RNF144B: variants seen among roughly 807,000 people sequenced by gnomAD.
RNF144B encodes ring finger protein 144B.
RNF144B carries 25 observed loss-of-function variants against 40.2 expected under a neutral mutation model. The ratio of observed to expected loss-of-function variants is 0.62; its 90% CI spans 0.45 to 0.87. The LOEUF is 0.87. RNF144B is among the 40% of genes least tolerant of loss of function. The pLI is 0.00. For synonymous variants in RNF144B, 145 were observed against 136.3 expected, an observed-to-expected ratio of 1.06 and a Z score of -0.44; for missense variants, 365 against 373.7, an observed-to-expected ratio of 0.98 and a Z score of 0.19.
chr6:18,463,710 T>C (rs564773398), intron 7 of RNF144B, among the ~76,000 whole-genome samples: 52 of 152,324 alleles, frequency 3.4e-4, no homozygotes, highest in African/African-American at 1.2e-3. Flanking sequence ...ATATTACCTA[T>C]CAAAGGCAGT....
chr6:18,424,349 A>G (rs16880665), intron 2 of RNF144B, among the ~76,000 whole-genome samples: 3,882 of 152,306 alleles, frequency 0.025, 129 homozygotes, highest in South Asian at 0.16. Context: ...TTGAATAGAA[A>G]TGCATGCCCA....
Position 18,410,977 on chromosome 6 carries a change from T to C in RNF144B, c.165+11278T>C, listed in dbSNP as rs1354737817. 7.2e-6 allele frequency among the ~76,000 whole-genome samples: 1 copy of C among 139,334 alleles called. No homozygotes were observed. Among genetic ancestry groups the C allele is most frequent in the East Asian group, 2.2e-4 (1 of 4,470 alleles). The allele number at this position is 139,334 out of a possible 152,430, so 91.4% of individuals were successfully genotyped here. A position where few individuals can be genotyped will look rare whatever the true frequency, so the allele number is the denominator to read the frequency against. Reference sequence around the variant, plus strand: ...ATACTGTCAGCTTTCTTTTCTTTTTTTTTCTTCTTTTCTTTTCTTTTTTTT... The same window carrying C: ...ATACTGTCAGCTTTCTTTTCTTTTTCTTTCTTCTTTTCTTTTCTTTTTTTT... On this transcript the variant is annotated intron_variant, in intron 2 of 7. Coordinates refer to ENST00000259939, the MANE Select transcript of RNF144B (RefSeq NM_182757.4). This position sits in a 1 kb window ranked among gnomAD's most constrained non-coding sequence, Gnocchi z 4.6.
chr6:18,464,923 C>T lies in RNF144B; in HGVS notation c.772-4C>T, dbSNP rs866735517. On this transcript the variant is annotated splice_polypyrimidine_tract_variant and splice_region_variant and intron_variant, in intron 7 of 7. Coordinates refer to ENST00000259939, the MANE Select transcript of RNF144B (RefSeq NM_182757.4). The surrounding 1 kb of genome is among the most constrained non-coding windows in gnomAD (Gnocchi z 6.1). The stretch of plus-strand genomic sequence containing the variant: ...TGAAATATGCTTTTCTTTGAAATTT[C>T]CAGGTGGTGGGGATTCTCGTAGGCT... The T allele has an allele frequency of 6.2e-7, 1 of 1,613,660 alleles. No homozygotes were observed.
rs1758994670 is a variant in RNF144B, at chr6:18,442,836, T to C, written c.331+3092T>C. Among the ~76,000 whole-genome samples the C allele has an allele frequency of 6.6e-6, 1 of 152,236 alleles. No individual in the cohort carries two copies. Among genetic ancestry groups the C allele is most frequent in the African/African-American group, 2.4e-5 (1 of 41,462 alleles). Reference sequence around the variant, plus strand: ...GTCTTATTTTACTTAATATATGTTTTTCAAAGTTCCATTCCTGTAGTAGCA... The same window carrying C: ...GTCTTATTTTACTTAATATATGTTTCTCAAAGTTCCATTCCTGTAGTAGCA... On this transcript the variant is annotated intron_variant, in intron 4 of 7. Coordinates refer to ENST00000259939, the MANE Select transcript of RNF144B (RefSeq NM_182757.4). The surrounding 1 kb of genome is among the most constrained non-coding windows in gnomAD (Gnocchi z 4.3).
chr6:18,418,127 A>G lies in RNF144B; in HGVS notation c.166-9454A>G, dbSNP rs1202887803. Among the ~76,000 whole-genome samples the G allele has an allele frequency of 6.6e-6, 1 of 152,218 alleles. No individual in the cohort carries two copies. The highest frequency in any genetic ancestry group is 1.5e-5 in the Non-Finnish European group (1 of 68,026). ...TTTAAAGAAGTTGAAACTCTCATAC[A>G]CTGCTGGTGGGAATGGAAAATGATG... On this transcript the variant is annotated intron_variant, in intron 2 of 7. Coordinates refer to ENST00000259939, the MANE Select transcript of RNF144B (RefSeq NM_182757.4). This position sits in a 1 kb window ranked among gnomAD's most constrained non-coding sequence, Gnocchi z 5.2.
At position 18,443,238 on chromosome 6, in the gene RNF144B, T is replaced by C. The variant is rs1759005703; in HGVS notation, c.331+3494T>C. Among the ~76,000 whole-genome samples, 1 of 152,108 alleles carries C rather than the reference T, an allele frequency of 6.6e-6. No homozygotes were observed. Among genetic ancestry groups the C allele is most frequent in the African/African-American group, 2.4e-5 (1 of 41,424 alleles). ...AAAAACGTAACAGGCCCAGAGGCAATTTCCTCTTAAGTGATTTTGTTTTTG... is the reference window on the plus strand; with the variant it reads ...AAAAACGTAACAGGCCCAGAGGCAACTTCCTCTTAAGTGATTTTGTTTTTG... On this transcript the variant is annotated intron_variant, in intron 4 of 7. Coordinates refer to ENST00000259939, the MANE Select transcript of RNF144B (RefSeq NM_182757.4). This position sits in a 1 kb window ranked among gnomAD's most constrained non-coding sequence, Gnocchi z 4.7.
intron 1 of RNF144B, among the ~76,000 whole-genome samples, chr6:18,399,146 CT>C (rs1794747517): frequency 6.6e-6 from 1 of 152,170 alleles, no homozygotes. Context: ...TTATTACTAA[CT>C]CTAGTCACCA....
In RNF144B at chr6:18,441,262, G is replaced by A. The variant is rs1263685533; in HGVS notation, c.331+1518G>A. Among the ~76,000 whole-genome samples, 3 of 152,260 alleles carry A rather than the reference G, an allele frequency of 2.0e-5. No individual in the cohort carries two copies. The highest frequency in any genetic ancestry group is 2.1e-4 in the South Asian group (1 of 4,832). ...TATAATTAGAACATGGACATTCCCA[G>A]TATTCACCCTGTGGATGCCTGGCTG... On this transcript the variant is annotated intron_variant, in intron 4 of 7. Transcript: ENST00000259939. This position sits in a 1 kb window ranked among gnomAD's most constrained non-coding sequence, Gnocchi z 4.9.
chr6:18,399,607 G>T lies in RNF144B; in HGVS notation c.73G>T (p.Ala25Ser). 3 of 1,614,048 alleles carry T rather than the reference G, an allele frequency of 1.9e-6. No homozygotes were observed. The highest frequency in any genetic ancestry group is 2.5e-6 in the Non-Finnish European group (3 of 1,179,972). ...ENPTPGDLAP[A>S]PLITCKLCLC... ...TCCCACTCCTGGAGACCTGGCTCCGGCCCCCCTCATCACTTGCAAACTCTG... is the reference window on the plus strand; with the variant it reads ...TCCCACTCCTGGAGACCTGGCTCCGTCCCCCCTCATCACTTGCAAACTCTG... The change falls in exon 2 of 8, where the codon GCC (alanine) becomes TCC (serine). Residue 25 changes from alanine to serine, a missense_variant. By Grantham distance (99) the Ala-to-Ser change is moderately conservative. Transcript: ENST00000259939.
At chr6:18,432,895 G>C (rs573256778) in intron 3 of RNF144B, among the ~76,000 whole-genome samples, 6 of 152,224 alleles carry the variant, frequency 3.9e-5, no homozygotes, top group Non-Finnish European at 7.3e-5. Context: ...GAAAGGGTGG[G>C]TGCAGCTGAA....
At chr6:18,455,786 C>CT (rs1000966506) in intron 4 of RNF144B, among the ~76,000 whole-genome samples, 7 of 152,194 alleles carry the variant, frequency 4.6e-5, no homozygotes, top group African/African-American at 1.7e-4. Flanking sequence ...TTCTCCAACT[C>CT]TATCTTCTTT....
intron 6 of RNF144B, among the ~76,000 whole-genome samples, chr6:18,462,846 C>T (rs925317402): frequency 2.0e-5 from 3 of 152,130 alleles, no homozygotes; most frequent in African/African-American, 7.2e-5. Context: ...TTTCCCTTCT[C>T]TGTGATTGCT....
At chr6:18,403,980 A>G (rs1219452982) in intron 2 of RNF144B, among the ~76,000 whole-genome samples, 1 of 152,226 alleles carries the variant, frequency 6.6e-6, no homozygotes, top group East Asian at 1.9e-4. Context: ...GCAAGAACTC[A>G]GCCACTACCT....
Position 18,447,792 on chromosome 6 carries a change from G to A in RNF144B, c.331+8048G>A, listed in dbSNP as rs905491035. ...GGTTTAAAGCTGTGACACTGAATGA[G>A]CGCATCTAAGAATTAAACATAGCTA... On this transcript the variant is annotated intron_variant, in intron 4 of 7. Transcript: ENST00000259939. The surrounding 1 kb of genome is among the most constrained non-coding windows in gnomAD (Gnocchi z 5.6). Among the ~76,000 whole-genome samples the A allele has an allele frequency of 2.6e-5, 4 of 152,136 alleles. No homozygotes were observed. The highest frequency in any genetic ancestry group is 4.8e-5 in the African/African-American group (2 of 41,422).
chr6:18,433,887 T>C (rs1758754073), intron 3 of RNF144B, among the ~76,000 whole-genome samples: 1 of 152,194 alleles, frequency 6.6e-6, no homozygotes, highest in African/African-American at 2.4e-5. Context: ...ACATTTTTAG[T>C]TCCTATGTTA....
At chr6:18,454,462 C>G (rs1759283271) in intron 4 of RNF144B, among the ~76,000 whole-genome samples, 1 of 152,200 alleles carries the variant, frequency 6.6e-6, no homozygotes, top group African/African-American at 2.4e-5. Flanking sequence ...CACTAATGCT[C>G]TTAGTTAAGC....
chr6:18,463,437 C>A, intron 7 of RNF144B, 57 bp downstream of exon 7: 1 of 989,380 alleles, frequency 1.0e-6, no homozygotes, highest in Non-Finnish European at 1.6e-6. Context: ...GCTTAAAGAG[C>A]CCACCTCTTC....
chr6:18,411,475 ATATATATATATATATATATATATTT>A (rs1795034517), intron 2 of RNF144B, among the ~76,000 whole-genome samples: 1 of 40,672 alleles, frequency 2.5e-5, no homozygotes, highest in African/African-American at 9.4e-5. Flanking sequence ...ATATATATAT[ATATATATATATATATATATATATTT>A]TTTTTTTTTT....
In RNF144B at chr6:18,468,859, G is replaced by A. The variant is rs1034552191; in HGVS notation, c.*3792G>A. 1.4e-4 allele frequency: 21 copies of A among 152,298 alleles called. No individual in the cohort carries two copies. Among genetic ancestry groups the A allele is most frequent in the African/African-American group, 4.8e-4 (20 of 41,578 alleles). 9.4% of individuals were successfully genotyped at this position (152,298 alleles called of 1,614,324 possible). ...TTTAGGCTCTCTAGCCACAATAAAT[G>A]TAAGCAGGAAATCAAGTGTGTTAAC... On this transcript the variant is annotated 3_prime_UTR_variant, in exon 8 of 8. Coordinates refer to ENST00000259939, the MANE Select transcript of RNF144B (RefSeq NM_182757.4).
Sources: gnomAD v4.1 joint callset for allele counts (sites outside exome capture counted in the v4.1 genomes callset) on GRCh38, gnomAD v4.1.1 for gene constraint, Gnocchi (gnomAD v3.1) non-coding constraint, MANE v1.5 for transcripts, NCBI Gene and HGNC (gene_info 2026-07-23, HGNC 2026-07-21) for gene names.